The following WDR1 variants were observed in gnomAD, a reference collection of about 807,000 sequenced individuals.
WDR1 encodes the protein WD repeat-containing protein 1.
Under a neutral mutation model 71.9 loss-of-function variants are expected in WDR1, and 21 were observed. The observed-to-expected ratio is 0.29, with a 90% CI of 0.21 to 0.42. WDR1 has a LOEUF of 0.42. WDR1 is among the 10% of genes least tolerant of loss of function. WDR1 has a pLI of 1.00. For missense variants in WDR1, 696 were observed against 824.5 expected (o/e 0.84, Z 1.91); for synonymous variants, 424 against 347.4 (o/e 1.22, Z -2.45).
At chr4:10,083,236 G>A in intron 9 of WDR1, 58 bp from the exon 10 acceptor site, 1 of 1,566,308 alleles carries the variant, frequency 6.4e-7, no homozygotes, top group East Asian at 2.3e-5. Flanking sequence ...TCTCAGGTGT[G>A]GCTTCAGTCC....
Position 10,074,946 on chromosome 4 carries a change from A to C in WDR1, c.*432T>G. 1 of 192,912 alleles carries C rather than the reference A, an allele frequency of 5.2e-6. No individual in the cohort carries two copies. The highest frequency in any genetic ancestry group is 1.1e-5 in the Non-Finnish European group (1 of 94,294). The allele number at this position is 192,912 out of a possible 1,614,324, so 12.0% of individuals were successfully genotyped here. A position where few individuals can be genotyped will look rare whatever the true frequency, so the allele number is the denominator to read the frequency against. ...CCGGCTTTGCTGAACTGCAATGCAT[A>C]TTCCCTCTTCTCACTAGTACAGAAA... On this transcript the variant is annotated 3_prime_UTR_variant, in exon 15 of 15. Coordinates refer to ENST00000499869, the MANE Select transcript of WDR1 (RefSeq NM_017491.5).
chr4:10,115,106 T>C (rs373473230), intron 2 of WDR1, among the ~76,000 whole-genome samples: 58 of 152,364 alleles, frequency 3.8e-4, no homozygotes, highest in African/African-American at 1.3e-3. Context: ...TGTATGCCTA[T>C]GGCATCAATC....
intron 10 of WDR1, 147 bp downstream of exon 10, chr4:10,082,875 A>G (rs1765069318): frequency 2.1e-5 from 23 of 1,089,450 alleles, no homozygotes; most frequent in Non-Finnish European, 2.8e-5. Flanking sequence ...TCAGGGCCCA[A>G]CAACAGGAGA....
intron 2 of WDR1, among the ~76,000 whole-genome samples, chr4:10,111,748 T>A (rs1713378044): frequency 6.6e-6 from 1 of 152,104 alleles, no homozygotes; most frequent in South Asian, 2.1e-4. Flanking sequence ...TGCATGTGAA[T>A]GGTGGCAGCT....
At chr4:10,082,929 G>C in intron 10 of WDR1, 93 bp downstream of exon 10, 1 of 1,460,994 alleles carries the variant, frequency 6.8e-7, no homozygotes, top group Non-Finnish European at 9.2e-7. Flanking sequence ...GAGCAAGTGA[G>C]GCGTCCTCCA....
At position 10,077,882 on chromosome 4, in the gene WDR1, C is replaced by T. The variant is rs368516020; in HGVS notation, c.1440G>A (p.Lys480=). 263 of 1,611,564 alleles carry T rather than the reference C, an allele frequency of 1.6e-4. No homozygotes were observed. The highest frequency in any genetic ancestry group is 2.0e-4 in the Non-Finnish European group (232 of 1,178,820). The stretch of plus-strand genomic sequence containing the variant: ...TGGCCTCTAGGAGCTTGCCCTCATC[C>T]TTCAGCGTGGTGCCCAGGATGGAAT... The part of the protein sequence containing the change: ...RLYSILGTTL[K]DEGKLLEAKG... The change falls in exon 13 of 15, where the codon AAG becomes AAA. Residue 480 remains lysine, a synonymous_variant. Transcript: ENST00000499869.
At chr4:10,116,509 G>A in intron 1 of WDR1, 142 bp downstream of exon 1, 1 of 671,790 alleles carries the variant, frequency 1.5e-6, no homozygotes, top group Non-Finnish European at 1.9e-6. Context: ...CACCGAGGGC[G>A]GCCCCGCCAC....
intron 6 of WDR1, 139 bp downstream of exon 6, chr4:10,088,522 TGAC>T (rs1560534084): frequency 9.0e-7 from 1 of 1,114,960 alleles, no homozygotes. Flanking sequence ...TACTGGGCTC[TGAC>T]GACGAGTCTG....
intron 8 of WDR1, 129 bp downstream of exon 8, chr4:10,087,578 G>T: frequency 1.1e-6 from 1 of 877,788 alleles, no homozygotes. Flanking sequence ...AAACCCCAAG[G>T]GCCAAGGAGG....
At chr4:10,081,305 C>T in intron 11 of WDR1, 52 bp downstream of exon 11, 2 of 1,567,870 alleles carry the variant, frequency 1.3e-6, no homozygotes, top group Non-Finnish European at 1.8e-6. Flanking sequence ...ATTCAGCAAG[C>T]AGGCACCACA....
chr4:10,093,758 G>A (rs1022643100), intron 5 of WDR1, among the ~76,000 whole-genome samples: 11 of 152,166 alleles, frequency 7.2e-5, no homozygotes, highest in South Asian at 2.1e-4. Context: ...GAGGGGTGGC[G>A]CGTGCTGAAG....
At chr4:10,077,238 T>C (rs1764833753) in intron 14 of WDR1, 66 bp downstream of exon 14, 1 of 1,597,942 alleles carries the variant, frequency 6.3e-7, no homozygotes, top group East Asian at 2.2e-5. Context: ...GGGGACAGCC[T>C]GTGAGGTGGC....
At chr4:10,116,342 GC>G in intron 1 of WDR1, 108 bp from the exon 2 acceptor site, 1 of 1,481,474 alleles carries the variant, frequency 6.8e-7, no homozygotes, top group South Asian at 1.2e-5. Context: ...TGTTGACTGC[GC>G]CGGGAGGGCG....
In WDR1 at chr4:10,077,261, G is replaced by A. The variant is rs367701332; in HGVS notation, c.1714+43C>T. The stretch of plus-strand genomic sequence containing the variant: ...CCTGTGAGGTGGCCCATGGAGCCCC[G>A]AACCATGGGTGGTCCCTGCCAAGGC... On this transcript the variant is annotated intron_variant, in intron 14 of 14. Transcript: ENST00000499869. 4.3e-5 allele frequency: 69 copies of A among 1,611,218 alleles called. No individual in the cohort carries two copies. The Middle Eastern group carries it at 7.6e-4, about 18-fold the overall frequency.
At chr4:10,082,139 G>A (rs995071885) in intron 10 of WDR1, among the ~76,000 whole-genome samples, 2 of 152,174 alleles carry the variant, frequency 1.3e-5, no homozygotes, top group Non-Finnish European at 2.9e-5. Flanking sequence ...GAGGACCAGG[G>A]CCCAGATGCC....
chr4:10,095,697 G>A lies in WDR1; in HGVS notation c.558+2014C>T, dbSNP rs112724359. 5.7e-3 allele frequency among the ~76,000 whole-genome samples: 866 copies of A among 152,282 alleles called. 8 individuals are homozygous for A. The highest frequency in any genetic ancestry group is 0.02 in the Middle Eastern group (6 of 294). On this transcript the variant is annotated intron_variant, in intron 5 of 14. Coordinates refer to ENST00000499869, the MANE Select transcript of WDR1 (RefSeq NM_017491.5). Reference sequence around the variant, plus strand: ...TTCCTATGCGTGGGCAGTTGAGTCCGCACATGTCTCCTGAGCATGTGGATG... The same window carrying A: ...TTCCTATGCGTGGGCAGTTGAGTCCACACATGTCTCCTGAGCATGTGGATG...
rs117470451 is a variant in WDR1, at chr4:10,095,057, C to T, written c.558+2654G>A. On this transcript the variant is annotated intron_variant, in intron 5 of 14. Coordinates refer to ENST00000499869, the MANE Select transcript of WDR1 (RefSeq NM_017491.5). The stretch of plus-strand genomic sequence containing the variant: ...CAAGCTCAGGGCAGCTTCCTGGTCC[C>T]GGCCACAGGGGGCCTCTGCAGGGAG... 5.8e-4 allele frequency among the ~76,000 whole-genome samples: 88 copies of T among 152,342 alleles called. No individual in the cohort carries two copies. The East Asian group carries it at 0.015, about 26-fold the overall frequency.
chr4:10,098,012 C>T, intron 4 of WDR1, 121 bp from the exon 5 acceptor site: 6 of 1,014,640 alleles, frequency 5.9e-6, no homozygotes, highest in Non-Finnish European at 8.3e-6. Context: ...TGTCAGCAGG[C>T]AGCTCAGAAC....
At position 10,077,779 on chromosome 4, in the gene WDR1, C is replaced by A; in HGVS notation, c.1543G>T (p.Val515Leu). 1 of 1,601,220 alleles carries A rather than the reference C, an allele frequency of 6.2e-7. No homozygotes were observed. The highest frequency in any genetic ancestry group is 1.7e-5 in the Admixed American group (1 of 58,252). Residue 515 changes from valine (V) to leucine (L), a missense_variant, in exon 13 of 15, where the codon GTG becomes TTG. Coordinates refer to ENST00000499869, the MANE Select transcript of WDR1 (RefSeq NM_017491.5). ...GAGTAGCCGTCAGCAACGCTGAACA[C>A]TGTGACCACCTTGCTGGCGTCGCAC... ...AVCDASKVVT[V>L]FSVADGYSEN...
Sources: gnomAD v4.1 joint callset for allele counts (sites outside exome capture counted in the v4.1 genomes callset) on GRCh38, gnomAD v4.1.1 for gene constraint, MANE v1.5 for transcripts, NCBI Gene and HGNC (gene_info 2026-07-23, HGNC 2026-07-21) for gene names.